Variants in NCAM2 observed in about 807,000 individuals in gnomAD.
NCAM2 encodes N-CAM-2.
NCAM2 carries 30 observed loss-of-function variants against 98.1 expected under a neutral mutation model. The ratio of observed to expected loss-of-function variants is 0.31; its 90% CI spans 0.23 to 0.41. The LOEUF (loss-of-function observed/expected upper bound fraction) is 0.41. Among genes scored for constraint, NCAM2 ranks in the 10% least tolerant of loss-of-function variants. The pLI is 1.00. For missense variants in NCAM2, 867 were observed against 1,005.8 expected (o/e 0.86, Z 1.87); for synonymous variants, 368 against 342.4 (o/e 1.07, Z -0.83).
intron 1 of NCAM2, among the ~76,000 whole-genome samples, chr21:21,188,745 A>G (rs961128351): frequency 6.6e-6 from 1 of 152,202 alleles, no homozygotes; most frequent in Non-Finnish European, 1.5e-5. Flanking sequence ...TAATTACATC[A>G]TATGCATCTT....
chr21:21,096,748 TTG>T (rs201282688), intron 1 of NCAM2, among the ~76,000 whole-genome samples: 1 of 151,344 alleles, frequency 6.6e-6, no homozygotes, highest in Admixed American at 6.6e-5. Context: ...TTTAATGTTT[TTG>T]TGTGTGTGTG....
At chr21:21,013,529 T>G (rs1357025018) in intron 1 of NCAM2, among the ~76,000 whole-genome samples, 2 of 152,102 alleles carry the variant, frequency 1.3e-5, no homozygotes, top group African/African-American at 4.8e-5. Flanking sequence ...CACCTGTAAT[T>G]TCAGCACTTT....
chr21:21,221,335 A>G (rs2070142559), intron 1 of NCAM2, among the ~76,000 whole-genome samples: 1 of 150,152 alleles, frequency 6.7e-6, no homozygotes, highest in African/African-American at 2.5e-5. Flanking sequence ...TCTCAATTTA[A>G]AACAAAATAC....
chr21:21,268,490 C>T (rs2147409464), intron 1 of NCAM2, among the ~76,000 whole-genome samples: 1 of 152,286 alleles, frequency 6.6e-6, no homozygotes, highest in Middle Eastern at 3.4e-3. Context: ...TTGCCTCACG[C>T]TGTTTTCTCT....
At chr21:21,142,597 T>A (rs907994286) in intron 1 of NCAM2, among the ~76,000 whole-genome samples, 1 of 152,026 alleles carries the variant, frequency 6.6e-6, no homozygotes, top group Non-Finnish European at 1.5e-5. Flanking sequence ...GCCAGGATGG[T>A]CTTGATCTCC....
chr21:21,253,848 G>A (rs990681737), intron 1 of NCAM2, among the ~76,000 whole-genome samples: 6 of 152,138 alleles, frequency 3.9e-5, no homozygotes, highest in East Asian at 1.9e-4. Context: ...AGTAGGTAAC[G>A]AGCCTAGATT....
chr21:21,184,526 A>T (rs1003888433), intron 1 of NCAM2, among the ~76,000 whole-genome samples: 11 of 152,094 alleles, frequency 7.2e-5, no homozygotes, highest in African/African-American at 1.9e-4. Flanking sequence ...TTTAATTGGT[A>T]CAGGATGCAG....
chr21:21,496,746 G>A (rs1425533484), intron 15 of NCAM2, among the ~76,000 whole-genome samples: 3 of 152,040 alleles, frequency 2.0e-5, no homozygotes, highest in African/African-American at 7.2e-5. Context: ...ATAGTCTGAG[G>A]CCTTATATTT....
Position 21,084,796 on chromosome 21 carries a change from A to G in NCAM2, c.55+86178A>G, listed in dbSNP as rs555400044. 5.3e-4 allele frequency among the ~76,000 whole-genome samples: 81 copies of G among 152,310 alleles called. 1 individual carries two copies. The highest frequency in any genetic ancestry group is 1.8e-3 in the African/African-American group (76 of 41,576). On this transcript the variant is annotated intron_variant, in intron 1 of 17. Coordinates refer to ENST00000400546, the MANE Select transcript of NCAM2 (RefSeq NM_004540.5). ...GCACTGATAATGTAATTAGCATTCAATAAATATTTGTTTATATGGATGAAT... is the reference window on the plus strand; with the variant it reads ...GCACTGATAATGTAATTAGCATTCAGTAAATATTTGTTTATATGGATGAAT...
intron 1 of NCAM2, among the ~76,000 whole-genome samples, chr21:21,174,534 G>T (rs2068221987): frequency 6.6e-6 from 1 of 152,112 alleles, no homozygotes; most frequent in Non-Finnish European, 1.5e-5. Context: ...CATGACTAGT[G>T]CTGTCTAAGG....
At chr21:21,535,435 C>T (rs1037394358) in intron 17 of NCAM2, among the ~76,000 whole-genome samples, 1 of 151,906 alleles carries the variant, frequency 6.6e-6, no homozygotes, top group Non-Finnish European at 1.5e-5. Context: ...TTTTGTAACA[C>T]CTAATATTTT....
chr21:21,126,314 A>G (rs79921008), intron 1 of NCAM2, among the ~76,000 whole-genome samples: 5,730 of 150,160 alleles, frequency 0.038, 317 homozygotes, highest in African/African-American at 0.13. Flanking sequence ...TTTTTAAATT[A>G]GTATGGTCCA....
chr21:21,398,357 A>C (rs1453143077), intron 9 of NCAM2, among the ~76,000 whole-genome samples: 2 of 152,182 alleles, frequency 1.3e-5, no homozygotes, highest in Admixed American at 6.5e-5. Context: ...ACAAATCAGC[A>C]CTAAATAACT....
At chr21:21,374,243 A>AGC (rs1439699591) in intron 9 of NCAM2, among the ~76,000 whole-genome samples, 1 of 151,814 alleles carries the variant, frequency 6.6e-6, no homozygotes, top group Non-Finnish European at 1.5e-5. Flanking sequence ...TTTCCTGAAA[A>AGC]TGGTCTTTCT....
chr21:21,380,441 A>G (rs929865432), intron 9 of NCAM2, among the ~76,000 whole-genome samples: 14 of 152,192 alleles, frequency 9.2e-5, no homozygotes, highest in Non-Finnish European at 2.1e-4. Flanking sequence ...GTATAATAAA[A>G]CAAATTTATT....
chr21:21,310,272 A>G (rs762905651), intron 5 of NCAM2, among the ~76,000 whole-genome samples: 8 of 152,128 alleles, frequency 5.3e-5, no homozygotes, highest in Non-Finnish European at 8.8e-5. Flanking sequence ...GGGTATCACA[A>G]TGGTTTTTTC....
chr21:21,310,472 T>C (rs2074010994), intron 5 of NCAM2, among the ~76,000 whole-genome samples: 1 of 152,268 alleles, frequency 6.6e-6, no homozygotes, highest in East Asian at 1.9e-4. Context: ...TGAACTGAAG[T>C]AGAAACAGGC....
chr21:21,378,592 T>C (rs781408591), intron 9 of NCAM2, among the ~76,000 whole-genome samples: 2 of 152,094 alleles, frequency 1.3e-5, no homozygotes, highest in Non-Finnish European at 2.9e-5. Context: ...GATGTGTGGT[T>C]TGCAAATATT....
chr21:21,454,275 T>G (rs1241044266), intron 12 of NCAM2, among the ~76,000 whole-genome samples: 1 of 152,070 alleles, frequency 6.6e-6, no homozygotes, highest in Non-Finnish European at 1.5e-5. Context: ...TATTAAATTG[T>G]ATATATGGAG....
Sources: gnomAD v4.1 joint callset for allele counts (sites outside exome capture counted in the v4.1 genomes callset) on GRCh38, gnomAD v4.1.1 for gene constraint, MANE v1.5 for transcripts, NCBI Gene and HGNC (gene_info 2026-07-23, HGNC 2026-07-21) for gene names.